The following TTYH3 variants were observed in gnomAD, a reference collection of about 807,000 sequenced individuals.
The protein encoded by TTYH3 is protein tweety homolog 3.
A neutral mutation model predicts 68.2 loss-of-function variants in TTYH3; 23 were observed. The observed-to-expected ratio is 0.34, with a 90% CI of 0.24 to 0.48. TTYH3 has a LOEUF of 0.48. TTYH3 is among the 20% of genes least tolerant of loss of function. The pLI, the probability that TTYH3 is intolerant of heterozygous loss-of-function variation, is 0.99. For missense variants in TTYH3, 768 were observed against 727.7 expected, an observed-to-expected ratio of 1.06 and a Z score of -0.64; for synonymous variants, 360 against 332.8, an observed-to-expected ratio of 1.08 and a Z score of -0.89.
intron 1 of TTYH3, among the ~76,000 whole-genome samples, chr7:2,642,267 C>A (rs559790020): frequency 6.6e-6 from 1 of 152,084 alleles, no homozygotes; most frequent in Non-Finnish European, 1.5e-5. Flanking sequence ...AGAGGCCAAG[C>A]ACAGTGACTC....
chr7:2,632,115 CCG>C lies in TTYH3; in HGVS notation c.-37_-36del. On this transcript the variant is annotated 5_prime_UTR_variant, in exon 1 of 14. Transcript: ENST00000258796. ...CGCGCCCCGGGCCAGCAAGGGAGCCCCGCGCAGGCCGCGCGCATCCGGAGGCG... is the reference window on the plus strand; with the variant it reads ...CGCGCCCCGGGCCAGCAAGGGAGCCCCGCAGGCCGCGCGCATCCGGAGGCG... The C allele has an allele frequency of 7.6e-7, 1 of 1,316,460 alleles. No individual in the cohort carries two copies. The highest frequency in any genetic ancestry group is 9.7e-7 in the Non-Finnish European group (1 of 1,027,678). The allele number at this position is 1,316,460 out of a possible 1,614,324, so 81.5% of individuals were successfully genotyped here.
chr7:2,646,107 C>G (rs1010559729), intron 1 of TTYH3, among the ~76,000 whole-genome samples: 1 of 152,106 alleles, frequency 6.6e-6, no homozygotes, highest in African/African-American at 2.4e-5. Flanking sequence ...CTCCGCCACC[C>G]GGGTTCAAGT....
At position 2,658,424 on chromosome 7, in the gene TTYH3, C is replaced by T. The variant is rs779163021; in HGVS notation, c.1389C>T (p.Ala463=). The T allele has an allele frequency of 1.9e-6, 3 of 1,612,170 alleles. No homozygotes were observed. Among genetic ancestry groups the T allele is most frequent in the Non-Finnish European group, 2.5e-6 (3 of 1,179,672 alleles). The change falls in exon 12 of 14, where the codon GCC becomes GCT. Residue 463 remains alanine (A), a synonymous_variant. Coordinates refer to ENST00000258796, the MANE Select transcript of TTYH3 (RefSeq NM_025250.3). ...YGSETSIPAA[A]HTVSNAPVTE... Reference sequence around the variant, plus strand: ...GTGAGACCAGCATCCCGGCCGCGGCCCACACCGTCAGCAACGCCCCGGTCA... The same window carrying T: ...GTGAGACCAGCATCCCGGCCGCGGCTCACACCGTCAGCAACGCCCCGGTCA...
At chr7:2,659,935 C>T in intron 13 of TTYH3, 1 of 1,303,442 alleles carries the variant, frequency 7.7e-7, no homozygotes, top group South Asian at 1.2e-5. Flanking sequence ...CCCGGGCCCT[C>T]CTAGCGCTAT....
Position 2,656,437 on chromosome 7 carries a change from G to A in TTYH3, c.1153G>A (p.Val385Met), listed in dbSNP as rs368141887. ...GCTGACCGGCTTCTGCTATGACGGCGTGGAGGGCCTCATCTACCTGGCCCT... is the reference window on the plus strand; with the variant it reads ...GCTGACCGGCTTCTGCTATGACGGCATGGAGGGCCTCATCTACCTGGCCCT... ...QALTGFCYDG[V>M]EGLIYLALFS... The change falls in exon 11 of 14, where the codon GTG becomes ATG. Residue 385 changes from valine to methionine, a missense_variant. Physicochemically the swap from Val to Met is conservative, Grantham distance 21. Coordinates refer to ENST00000258796, the MANE Select transcript of TTYH3 (RefSeq NM_025250.3). 2.3e-5 allele frequency: 37 copies of A among 1,611,748 alleles called. No homozygotes were observed. Among genetic ancestry groups the A allele is most frequent in the Non-Finnish European group, 2.6e-5 (31 of 1,179,774 alleles).
rs189946283 is a variant in TTYH3, at chr7:2,636,086, A to G, written c.123+3808A>G. Among the ~76,000 whole-genome samples the G allele has an allele frequency of 3.9e-5, 6 of 152,254 alleles. No individual in the cohort carries two copies. The East Asian group carries it at 1.2e-3, about 29-fold the overall frequency. ...ACTCAGAGGGGATCTGAGCTCTGGG[A>G]GTAGGGCCAGTGTTCTCCTAGCAGA... On this transcript the variant is annotated intron_variant, in intron 1 of 13. Coordinates refer to ENST00000258796, the MANE Select transcript of TTYH3 (RefSeq NM_025250.3).
In TTYH3 at chr7:2,646,967, G is replaced by T; in HGVS notation, c.238G>T (p.Asp80Tyr). Residue 80 changes from aspartate (D) to tyrosine (Y), a missense_variant, in exon 2 of 14, where the codon GAC becomes TAC. By Grantham distance (160) the Asp-to-Tyr change is radical. Transcript: ENST00000258796. The part of the protein sequence containing the change: ...CRRRKSEEHL[D>Y]ADCCCTAWCV... ...GCGGCGCAAGAGCGAGGAGCACCTGGACGCCGACTGCTGCTGCACGGCCTG... is the reference window on the plus strand; with the variant it reads ...GCGGCGCAAGAGCGAGGAGCACCTGTACGCCGACTGCTGCTGCACGGCCTG... The T allele has an allele frequency of 6.3e-7, 1 of 1,597,258 alleles. No homozygotes were observed.
At chr7:2,658,234 C>T (rs1003759483) in intron 11 of TTYH3, 52 bp from the exon 12 acceptor site, 1 of 1,467,190 alleles carries the variant, frequency 6.8e-7, no homozygotes, top group South Asian at 1.4e-5. Context: ...GGGTCTGTGG[C>T]CAGCTCCTTC....
chr7:2,646,436 C>G (rs1214469296), intron 1 of TTYH3, among the ~76,000 whole-genome samples: 1 of 152,242 alleles, frequency 6.6e-6, no homozygotes, highest in African/African-American at 2.4e-5. Context: ...CACCCACATT[C>G]TCTGGCTACC....
chr7:2,644,232 G>GGA (rs773705968), intron 1 of TTYH3, among the ~76,000 whole-genome samples: 4 of 152,190 alleles, frequency 2.6e-5, no homozygotes, highest in African/African-American at 4.8e-5. Flanking sequence ...TGAGCTATAA[G>GGA]GAGGGTACTG....
intron 12 of TTYH3, 72 bp downstream of exon 12, chr7:2,658,531 G>A: frequency 6.6e-7 from 1 of 1,514,066 alleles, no homozygotes. Context: ...CTGGGCTGGG[G>A]CTAGCTCGAG....
At chr7:2,649,782 A>G (rs2114988913) in intron 6 of TTYH3, 131 bp from the exon 7 acceptor site, 1 of 1,412,262 alleles carries the variant, frequency 7.1e-7, no homozygotes, top group Non-Finnish European at 9.8e-7. Flanking sequence ...GGCACAGTCC[A>G]CCTGTAACCC....
At chr7:2,661,140 G>T (rs956515210) in intron 13 of TTYH3, among the ~76,000 whole-genome samples, 1 of 152,230 alleles carries the variant, frequency 6.6e-6, no homozygotes, top group Non-Finnish European at 1.5e-5. Context: ...TGGCGTGAAG[G>T]GGCAGAGTAG....
rs931666950 is a variant in TTYH3 at position 2,664,131 on chromosome 7, C to T, written c.*2392C>T. 1 of 152,550 alleles carries T rather than the reference C, an allele frequency of 6.6e-6. No homozygotes were observed. Among genetic ancestry groups the T allele is most frequent in the Non-Finnish European group, 1.5e-5 (1 of 68,076 alleles). The allele number at this position is 152,550 out of a possible 1,614,324, so 9.4% of individuals were successfully genotyped here. On this transcript the variant is annotated 3_prime_UTR_variant, in exon 14 of 14. Transcript: ENST00000258796. The stretch of plus-strand genomic sequence containing the variant: ...GGCCCTGGGGACAAGAGGGAGGAGC[C>T]CAGGGGCTTACCTCACTGAGAGTGC...
intron 13 of TTYH3, chr7:2,660,353 G>A (rs1786461474): frequency 1.0e-6 from 1 of 985,388 alleles, no homozygotes; most frequent in African/African-American, 1.7e-5. Context: ...AGGAATCCAT[G>A]CACCCAGACC....
intron 4 of TTYH3, 130 bp downstream of exon 4, chr7:2,647,768 A>G: frequency 1.8e-6 from 2 of 1,138,118 alleles, no homozygotes; most frequent in Non-Finnish European, 2.5e-6. Context: ...ACTGGAGGTC[A>G]CAGGCAGTGG....
rs774776598 is a variant in TTYH3 at position 2,632,191 on chromosome 7, G to A, written c.36G>A (p.Val12=). 3 of 1,528,188 alleles carry A rather than the reference G, an allele frequency of 2.0e-6. No individual in the cohort carries two copies. Among genetic ancestry groups the A allele is most frequent in the Non-Finnish European group, 2.6e-6 (3 of 1,132,766 alleles). 94.7% of individuals were successfully genotyped at this position (1,528,188 alleles called of 1,614,324 possible). A position where few individuals can be genotyped will look rare whatever the true frequency, so the allele number is the denominator to read the frequency against. ...TCAGCTACGCGGCGCCCTGGTGGGT[G>A]AGCCTCCTGCACCGGCTGCCCCACT... ...AGVSYAAPWW[V]SLLHRLPHFD... The change falls in exon 1 of 14, where the codon GTG becomes GTA. Residue 12 remains valine (V), a synonymous_variant. Coordinates refer to ENST00000258796, the MANE Select transcript of TTYH3 (RefSeq NM_025250.3).
intron 1 of TTYH3, among the ~76,000 whole-genome samples, chr7:2,638,178 C>A (rs535082439): frequency 8.1e-4 from 124 of 152,196 alleles, no homozygotes; most frequent in African/African-American, 2.9e-3. Flanking sequence ...TCCAGTCTGG[C>A]GGCTCCTGGC....
rs1205146015 is a variant in TTYH3 at position 2,664,407 on chromosome 7, G to C, written c.*2668G>C. On this transcript the variant is annotated 3_prime_UTR_variant, in exon 14 of 14. Transcript: ENST00000258796. ...CAGGCGGGGGACCAGGGCCTCTCCTGTGGGATCTTTGTTTTGTGTTTAACC... is the reference window on the plus strand; with the variant it reads ...CAGGCGGGGGACCAGGGCCTCTCCTCTGGGATCTTTGTTTTGTGTTTAACC... 2.0e-5 allele frequency: 3 copies of C among 152,662 alleles called. No individual in the cohort carries two copies. The highest frequency in any genetic ancestry group is 4.1e-4 in the South Asian group (2 of 4,828). The allele number at this position is 152,662 out of a possible 1,614,324, so 9.5% of individuals were successfully genotyped here.
Sources: allele counts gnomAD v4.1 joint callset (sites outside exome capture counted in the v4.1 genomes callset), GRCh38; gene constraint gnomAD v4.1.1; transcripts MANE v1.5; gene names NCBI Gene and HGNC (gene_info 2026-07-23, HGNC 2026-07-21).